ALDH1A2: variants seen among roughly 807,000 people sequenced by gnomAD.
The protein encoded by ALDH1A2 is aldehyde dehydrogenase 1 family member A2.
In ALDH1A2, 27 loss-of-function variants were observed where a neutral mutation model predicts 60.3. The ratio of observed to expected loss-of-function variants is 0.45; its 90% confidence interval spans 0.33 to 0.62. The LOEUF is 0.62. Among genes scored for constraint, ALDH1A2 ranks in the 20% least tolerant of loss-of-function variants. The pLI, the probability that ALDH1A2 is intolerant of heterozygous loss-of-function variation, is 0.02. For missense variants in ALDH1A2, 581 were observed against 643.8 expected, an observed-to-expected ratio of 0.90 and a Z score of 1.06; for synonymous variants, 289 against 232.4, an observed-to-expected ratio of 1.24 and a Z score of -2.21.
chr15:57,985,614 A>G (rs12908953), intron 7 of ALDH1A2, among the ~76,000 whole-genome samples: 53,848 of 151,992 alleles, frequency 0.35, 10,449 homozygotes, highest in Non-Finnish European at 0.45. Context: ...CTGATACCTC[A>G]CCTTCTAGCT....
intron 12 of ALDH1A2, 59 bp from the exon 13 acceptor site, chr15:57,955,328 G>T: frequency 6.4e-7 from 1 of 1,566,096 alleles, no homozygotes; most frequent in Non-Finnish European, 8.8e-7. Context: ...GCATGTGAGT[G>T]CAGCGGGAGT....
intron 8 of ALDH1A2, among the ~76,000 whole-genome samples, chr15:57,964,979 T>C (rs1385946418): frequency 6.6e-6 from 1 of 150,890 alleles, no homozygotes; most frequent in East Asian, 1.9e-4. Context: ...GTGGTGAGAC[T>C]GGGAAAGCAG....
intron 8 of ALDH1A2, among the ~76,000 whole-genome samples, chr15:57,965,306 G>A (rs1296409603): frequency 6.6e-6 from 1 of 152,204 alleles, no homozygotes; most frequent in African/African-American, 2.4e-5. Context: ...CTGTGGGTTT[G>A]GAAAATGCTG....
chr15:57,978,685 G>C (rs749744121), intron 7 of ALDH1A2, among the ~76,000 whole-genome samples: 7 of 152,216 alleles, frequency 4.6e-5, no homozygotes, highest in Non-Finnish European at 8.8e-5. Flanking sequence ...GTGGCCGGGG[G>C]AGATGGAGCA....
At chr15:57,999,031 A>G (rs1322774029) in intron 4 of ALDH1A2, among the ~76,000 whole-genome samples, 1 of 152,098 alleles carries the variant, frequency 6.6e-6, no homozygotes, top group Non-Finnish European at 1.5e-5. Flanking sequence ...CCTTCTTTAC[A>G]TCTTATACAA....
intron 12 of ALDH1A2, among the ~76,000 whole-genome samples, chr15:57,956,414 C>G (rs1893528494): frequency 6.6e-6 from 1 of 152,172 alleles, no homozygotes. Context: ...ACAAGAGAGA[C>G]CTGCTGTAAA....
chr15:57,961,896 G>T, intron 10 of ALDH1A2, 116 bp downstream of exon 10: 1 of 1,396,130 alleles, frequency 7.2e-7, no homozygotes, highest in Non-Finnish European at 1.0e-6. Flanking sequence ...CATTACTGTT[G>T]CAAAATGAAT....
chr15:57,977,873 TGAG>T (rs1894319846), intron 7 of ALDH1A2, among the ~76,000 whole-genome samples: 1 of 152,218 alleles, frequency 6.6e-6, no homozygotes, highest in African/African-American at 2.4e-5. Flanking sequence ...CTCATTTCCT[TGAG>T]GAGTGGTTTA....
At chr15:57,983,114 CTG>C (rs1471146232) in intron 7 of ALDH1A2, among the ~76,000 whole-genome samples, 1 of 152,184 alleles carries the variant, frequency 6.6e-6, no homozygotes, top group Admixed American at 6.5e-5. Context: ...GTTTAAATGA[CTG>C]TTAAAAGTAC....
intron 1 of ALDH1A2, among the ~76,000 whole-genome samples, chr15:58,015,768 C>T (rs1895772745): frequency 6.6e-6 from 1 of 152,150 alleles, no homozygotes; most frequent in Non-Finnish European, 1.5e-5. Context: ...GCTGACTCAA[C>T]AATGTGTTCT....
chr15:58,042,962 A>G (rs1331108999), intron 1 of ALDH1A2, among the ~76,000 whole-genome samples: 3 of 151,972 alleles, frequency 2.0e-5, no homozygotes, highest in African/African-American at 7.2e-5. Context: ...ATTTAAACTG[A>G]CTGTGCATTA....
intron 7 of ALDH1A2, among the ~76,000 whole-genome samples, chr15:57,987,671 G>A (rs1334785894): frequency 6.6e-6 from 1 of 152,100 alleles, no homozygotes; most frequent in Non-Finnish European, 1.5e-5. Flanking sequence ...ACGAGGTCAC[G>A]AGATCCAGAC....
intron 12 of ALDH1A2, among the ~76,000 whole-genome samples, chr15:57,958,214 G>GCACGCACACACACACACACACACA (rs1555398333): frequency 6.6e-6 from 1 of 151,700 alleles, no homozygotes. Flanking sequence ...GTACACGCAC[G>GCACGCACACACACACACACACACA]CACACACACA....
intron 1 of ALDH1A2, among the ~76,000 whole-genome samples, chr15:58,061,654 G>A (rs143760198): frequency 8.7e-6 from 1 of 114,380 alleles, no homozygotes; most frequent in East Asian, 2.3e-4. Context: ...AAAACAACGT[G>A]CCACAGACCG....
chr15:58,007,809 AG>A (rs1441735690), intron 4 of ALDH1A2, among the ~76,000 whole-genome samples: 1 of 151,692 alleles, frequency 6.6e-6, no homozygotes, highest in Non-Finnish European at 1.5e-5. Context: ...AAAAAAAAAA[AG>A]CCAAGTATGC....
At chr15:57,985,548 T>C (rs1327171713) in intron 7 of ALDH1A2, among the ~76,000 whole-genome samples, 1 of 152,130 alleles carries the variant, frequency 6.6e-6, no homozygotes, top group African/African-American at 2.4e-5. Context: ...AGCTATGAAG[T>C]AAAAAATAGT....
intron 4 of ALDH1A2, among the ~76,000 whole-genome samples, chr15:58,006,208 TCTTACGC>T (rs1177427234): frequency 6.6e-6 from 1 of 151,854 alleles, no homozygotes; most frequent in Non-Finnish European, 1.5e-5. Flanking sequence ...ATTATAACAG[TCTTACGC>T]CTTTGCATCC....
At chr15:58,026,031 C>A (rs1896070409) in intron 1 of ALDH1A2, among the ~76,000 whole-genome samples, 2 of 152,144 alleles carry the variant, frequency 1.3e-5, no homozygotes, top group Admixed American at 1.3e-4. Flanking sequence ...TTGGAGGGGA[C>A]ATACATCCAA....
intron 7 of ALDH1A2, among the ~76,000 whole-genome samples, chr15:57,983,625 TTAAA>T (rs1291387712): frequency 6.6e-6 from 1 of 152,242 alleles, no homozygotes; most frequent in Non-Finnish European, 1.5e-5. Context: ...GAAAATTATA[TTAAA>T]TGACAGAACT....
Sources: allele counts gnomAD v4.1 joint callset (sites outside exome capture counted in the v4.1 genomes callset), GRCh38; gene constraint gnomAD v4.1.1; transcripts MANE v1.5; gene names NCBI Gene and HGNC (gene_info 2026-07-23, HGNC 2026-07-21).